The following CCSER1 variants were observed in gnomAD, a reference collection of about 807,000 sequenced individuals.
The protein encoded by CCSER1 is serine-rich coiled-coil domain-containing protein 1.
In CCSER1, 41 loss-of-function variants were observed where a neutral mutation model predicts 82.0. The ratio of observed to expected loss-of-function variants is 0.50; its 90% CI spans 0.39 to 0.65. The LOEUF is 0.65. Ranked by LOEUF, CCSER1 falls within the 30% of genes least tolerant of loss-of-function variation. The probability of loss-of-function intolerance (pLI) is 0.00; values close to 1 mark genes in which losing one functional copy is unlikely to be tolerated. For missense variants in CCSER1, 1,119 were observed against 1,064.2 expected (o/e 1.05, Z -0.72); for synonymous variants, 414 against 383.9 (o/e 1.08, Z -0.92).
At position 91,323,852 on chromosome 4, in the gene CCSER1, C is replaced by T. The variant is rs11730563; in HGVS notation, c.2217+237858C>T. 4.5e-4 allele frequency among the ~76,000 whole-genome samples: 69 copies of T among 152,296 alleles called. 1 individual carries two copies. In the East Asian group the frequency reaches 7.1e-3, roughly 16 times the overall value. On this transcript the variant is annotated intron_variant, in intron 10 of 10. Transcript: ENST00000509176. ...CCTTAGACTGGAACTACTTGCCACA[C>T]TAAAATCCTGCATTAGAGGCTAGGA...
chr4:91,124,406 A>C (rs892739286), intron 10 of CCSER1, among the ~76,000 whole-genome samples: 10 of 151,734 alleles, frequency 6.6e-5, no homozygotes, highest in African/African-American at 2.4e-4. Context: ...CTCATACCTA[A>C]TGCCTTTACA....
At chr4:90,653,640 C>T (rs7653983) in intron 6 of CCSER1, among the ~76,000 whole-genome samples, 26,654 of 151,906 alleles carry the variant, frequency 0.18, 2,593 homozygotes, top group African/African-American at 0.27. Flanking sequence ...ATTCAGCCAC[C>T]ACCATACCTA....
intron 5 of CCSER1, among the ~76,000 whole-genome samples, chr4:90,472,653 A>G (rs1241710637): frequency 6.6e-6 from 1 of 152,220 alleles, no homozygotes; most frequent in South Asian, 2.1e-4. Context: ...TTAGTTTGGT[A>G]TGTAACTCAG....
intron 9 of CCSER1, among the ~76,000 whole-genome samples, chr4:90,935,777 T>C (rs1730855799): frequency 6.6e-6 from 1 of 152,122 alleles, no homozygotes; most frequent in Non-Finnish European, 1.5e-5. Flanking sequence ...TGAAAACTTA[T>C]TTACATGAAC....
At chr4:90,648,294 A>AAAGAAAGGAAAGAAAGG (rs1728038170) in intron 6 of CCSER1, among the ~76,000 whole-genome samples, 1 of 144,148 alleles carries the variant, frequency 6.9e-6, no homozygotes, top group Non-Finnish European at 1.5e-5. Flanking sequence ...GGAAAGAAAG[A>AAAGAAAGGAAAGAAAGG]AAGAAAGAAA....
intron 5 of CCSER1, among the ~76,000 whole-genome samples, chr4:90,589,087 G>A (rs552643926): frequency 6.6e-6 from 1 of 152,190 alleles, no homozygotes; most frequent in South Asian, 2.1e-4. Context: ...AAATATACCA[G>A]TAACTAAAAT....
intron 10 of CCSER1, among the ~76,000 whole-genome samples, chr4:91,470,166 A>G (rs1041551887): frequency 6.6e-6 from 1 of 152,164 alleles, no homozygotes; most frequent in African/African-American, 2.4e-5. Context: ...AACTTGCTAA[A>G]CTGAATGTTG....
intron 10 of CCSER1, among the ~76,000 whole-genome samples, chr4:91,450,235 A>C (rs1010487459): frequency 6.6e-6 from 1 of 152,060 alleles, no homozygotes; most frequent in Non-Finnish European, 1.5e-5. Context: ...CATACCGACG[A>C]TCATGAATTT....
At chr4:91,368,633 T>C (rs942656981) in intron 10 of CCSER1, among the ~76,000 whole-genome samples, 1 of 152,158 alleles carries the variant, frequency 6.6e-6, no homozygotes, top group African/African-American at 2.4e-5. Flanking sequence ...TCCTCTGTTG[T>C]CTCCTGGATT....
In CCSER1 at chr4:91,535,640, A is replaced by G. The variant is rs150501169; in HGVS notation, c.2218-62932A>G. 4.1e-3 allele frequency among the ~76,000 whole-genome samples: 624 copies of G among 151,584 alleles called. 4 individuals are homozygous for G. Among genetic ancestry groups the G allele is most frequent in the African/African-American group, 0.014 (559 of 41,218 alleles). On this transcript the variant is annotated intron_variant, in intron 10 of 10. Coordinates refer to ENST00000509176, the MANE Select transcript of CCSER1 (RefSeq NM_001145065.2). ...TATATTTATCAGTTTTAAAATCAGT[A>G]AATAAAATTTTAAGAATAAACAGAA...
chr4:90,244,820 C>T (rs915383205), intron 1 of CCSER1, among the ~76,000 whole-genome samples: 1 of 152,062 alleles, frequency 6.6e-6, no homozygotes, highest in Non-Finnish European at 1.5e-5. Flanking sequence ...AAAGCCTAAC[C>T]ATATCAGTCT....
intron 10 of CCSER1, among the ~76,000 whole-genome samples, chr4:91,175,070 G>T (rs951815162): frequency 3.3e-5 from 5 of 152,066 alleles, no homozygotes; most frequent in African/African-American, 9.7e-5. Context: ...AGAACATGTG[G>T]TGTTTGGTTT....
At position 91,043,119 on chromosome 4, in the gene CCSER1, AAACG is replaced by A. The variant is rs1027033288; in HGVS notation, c.2173-42827_2173-42824del. Reference sequence around the variant, plus strand: ...CAAAGAAATAACTTTAAAAACACCAAAACGAACAAAGAGAAAAAAACAAAGAAAA... The same window carrying A: ...CAAAGAAATAACTTTAAAAACACCAAAACAAAGAGAAAAAAACAAAGAAAA... On this transcript the variant is annotated intron_variant, in intron 9 of 10. Transcript: ENST00000509176. Among the ~76,000 whole-genome samples the A allele has an allele frequency of 1.8e-4, 27 of 152,240 alleles. 1 individual carries two copies. The highest frequency in any genetic ancestry group is 1.7e-3 in the East Asian group (9 of 5,180).
At chr4:90,538,454 C>G (rs2153634581) in intron 5 of CCSER1, among the ~76,000 whole-genome samples, 1 of 151,898 alleles carries the variant, frequency 6.6e-6, no homozygotes, top group South Asian at 2.1e-4. Flanking sequence ...ATATTGTTGC[C>G]ATTGCCCTCA....
rs572445366 is a variant in CCSER1, at chr4:90,270,172, G to A, written c.-41-38072G>A. On this transcript the variant is annotated intron_variant, in intron 1 of 10. Transcript: ENST00000509176. ...GAATACTTCCAAACTCATTCTGTAA[G>A]GCCAGCATTACCTCAATACCAAAAC... Among the ~76,000 whole-genome samples, 8 of 152,120 alleles carry A rather than the reference G, an allele frequency of 5.3e-5. No homozygotes were observed. The South Asian group carries it at 1.7e-3, about 32-fold the overall frequency.
intron 6 of CCSER1, among the ~76,000 whole-genome samples, chr4:90,686,551 A>G (rs990748694): frequency 3.3e-5 from 5 of 152,064 alleles, no homozygotes; most frequent in Admixed American, 6.6e-5. Context: ...AATTTAGATT[A>G]TAGCCCAAAA....
intron 10 of CCSER1, among the ~76,000 whole-genome samples, chr4:91,494,764 A>C (rs1758716540): frequency 6.6e-6 from 1 of 151,846 alleles, no homozygotes; most frequent in Admixed American, 6.6e-5. Flanking sequence ...TTTGAAGAGA[A>C]CATCTCTCAA....
chr4:90,410,143 G>A (rs1043607388), intron 4 of CCSER1, among the ~76,000 whole-genome samples: 5 of 152,114 alleles, frequency 3.3e-5, no homozygotes, highest in Admixed American at 1.3e-4. Context: ...AGTACTTAGT[G>A]ACCTACAAAG....
intron 6 of CCSER1, among the ~76,000 whole-genome samples, chr4:90,714,296 C>G (rs1741222900): frequency 6.6e-6 from 1 of 151,704 alleles, no homozygotes; most frequent in South Asian, 2.1e-4. Flanking sequence ...GCTTGTCTCC[C>G]CTAATGAACT....
Sources: allele counts gnomAD v4.1 joint callset (sites outside exome capture counted in the v4.1 genomes callset), GRCh38; gene constraint gnomAD v4.1.1; transcripts MANE v1.5; gene names NCBI Gene and HGNC (gene_info 2026-07-23, HGNC 2026-07-21).